Variants in RFC3 observed in about 807,000 individuals in gnomAD.
The protein encoded by RFC3 is A1 38 kDa subunit.
Under a neutral mutation model 45.1 loss-of-function variants are expected in RFC3, and 41 were observed. That is an observed-to-expected ratio of 0.91 (90% confidence interval 0.71 to 1.18). RFC3 has a LOEUF of 1.18. Among genes scored for constraint, RFC3 ranks in the 50% most tolerant of loss-of-function variants. The pLI is 0.00. For missense variants in RFC3, 423 were observed against 428.1 expected (o/e 0.99, Z 0.10); for synonymous variants, 149 against 144.0 (o/e 1.03, Z -0.25).
intron 8 of RFC3, among the ~76,000 whole-genome samples, chr13:33,855,345 G>A (rs946774353): frequency 7.9e-5 from 12 of 152,144 alleles, no homozygotes; most frequent in Non-Finnish European, 8.8e-5. Flanking sequence ...AAGAAATGGT[G>A]TCTATGTGCC....
chr13:33,918,107 C>G (rs2082744977), intron 8 of RFC3, among the ~76,000 whole-genome samples: 4 of 152,132 alleles, frequency 2.6e-5, no homozygotes, highest in Admixed American at 2.6e-4. Context: ...GGTCATTGAG[C>G]AGGAGAGTGA....
At chr13:33,929,928 A>G (rs533510461) in intron 8 of RFC3, among the ~76,000 whole-genome samples, 26 of 152,256 alleles carry the variant, frequency 1.7e-4, no homozygotes, top group African/African-American at 6.3e-4. Flanking sequence ...AAGATTAAGC[A>G]TTTTAAAGTT....
chr13:33,867,539 T>G (rs2082381425), intron 8 of RFC3, among the ~76,000 whole-genome samples: 1 of 152,202 alleles, frequency 6.6e-6, no homozygotes, highest in Non-Finnish European at 1.5e-5. Context: ...ATTCTAACTG[T>G]CAGGAGGAAA....
intron 8 of RFC3, among the ~76,000 whole-genome samples, chr13:33,955,864 A>G (rs1443368830): frequency 1.5e-4 from 23 of 152,140 alleles, no homozygotes; most frequent in Admixed American, 1.5e-3. Flanking sequence ...CGTGCAGGAG[A>G]ATGCAGCATG....
chr13:33,899,204 C>CAAAAAAAAAAAAA lies in RFC3; in HGVS notation c.879+64000_879+64012dup, dbSNP rs59221382. 4.2e-3 allele frequency among the ~76,000 whole-genome samples: 217 copies of CAAAAAAAAAAAAA among 51,976 alleles called. 7 individuals are homozygous for CAAAAAAAAAAAAA. The highest frequency in any genetic ancestry group is 6.4e-3 in the East Asian group (10 of 1,570). The allele number at this position is 51,976 out of a possible 152,430, so 34.1% of individuals were successfully genotyped here. On this transcript the variant is annotated intron_variant, in intron 8 of 8. Coordinates refer to the RFC3 transcript ENST00000434425. ...AAAACCAGACGAAGACACAATAAGA[C>CAAAAAAAAAAAAA]AAAAAAAAAAAAAAAAAAAAAAAAA...
At position 33,857,229 on chromosome 13, in the gene RFC3, G is replaced by A. The variant is rs74520678; in HGVS notation, c.879+22012G>A. Among the ~76,000 whole-genome samples the A allele has an allele frequency of 1.6e-4, 24 of 152,262 alleles. No individual in the cohort carries two copies. In the East Asian group the frequency reaches 3.3e-3, roughly 21 times the overall value. On this transcript the variant is annotated intron_variant, in intron 8 of 8. Transcript: ENST00000434425. ...GTTATTGGAATATCTTCAAGATAGC[G>A]TCCAATCTCATTGCGGAATCTCTGA...
rs183881131 is a variant in RFC3, at chr13:33,961,448, A to G, written c.880-4639A>G. On this transcript the variant is annotated intron_variant, in intron 8 of 8. Transcript: ENST00000434425. The stretch of plus-strand genomic sequence containing the variant: ...TGAACATTTCCTGAGGGCAGGAATC[A>G]TGGCCTCTTCTTTTATCTATTCCTA... 3.5e-3 allele frequency among the ~76,000 whole-genome samples: 526 copies of G among 152,346 alleles called. 2 individuals carry two copies. Among genetic ancestry groups the G allele is most frequent in the Middle Eastern group, 6.8e-3 (2 of 294 alleles).
chr13:33,896,902 A>G (rs2082603427), intron 8 of RFC3, among the ~76,000 whole-genome samples: 1 of 151,992 alleles, frequency 6.6e-6, no homozygotes, highest in African/African-American at 2.4e-5. Context: ...GCTATCCTTC[A>G]AATATGCAAG....
At chr13:33,938,398 A>G (rs2082902067) in intron 8 of RFC3, among the ~76,000 whole-genome samples, 1 of 152,142 alleles carries the variant, frequency 6.6e-6, no homozygotes, top group African/African-American at 2.4e-5. Flanking sequence ...TATAAAAATC[A>G]TAATAATCAA....
downstream of RFC3, among the ~76,000 whole-genome samples, chr13:33,970,096 C>CCCTCCAA (rs2083103928): frequency 6.6e-6 from 1 of 152,198 alleles, no homozygotes; most frequent in East Asian, 1.9e-4. Context: ...CCACCCTCCA[C>CCCTCCAA]CCTCCAACAG....
intron 8 of RFC3, among the ~76,000 whole-genome samples, chr13:33,859,193 A>G (rs1254215871): frequency 6.6e-6 from 1 of 152,214 alleles, no homozygotes; most frequent in Non-Finnish European, 1.5e-5. Context: ...TCAAAACTCC[A>G]TTATAAAACT....
At chr13:33,961,473 A>T (rs2083056776) in intron 8 of RFC3, among the ~76,000 whole-genome samples, 1 of 152,176 alleles carries the variant, frequency 6.6e-6, no homozygotes, top group Non-Finnish European at 1.5e-5. Context: ...ATCTATTCCT[A>T]GAAACAGAAA....
chr13:33,938,208 A>AAAAAAAAAAAT (rs2082900461), intron 8 of RFC3, among the ~76,000 whole-genome samples: 2 of 147,070 alleles, frequency 1.4e-5, no homozygotes, highest in African/African-American at 5.0e-5. Flanking sequence ...AAAAAAAAAA[A>AAAAAAAAAAAT]GTAAGAGTTG....
chr13:33,950,723 A>T (rs115654117), intron 8 of RFC3, among the ~76,000 whole-genome samples: 3,560 of 152,132 alleles, frequency 0.023, 123 homozygotes, highest in African/African-American at 0.078. Flanking sequence ...CAAGATCTGG[A>T]CTTTTTGCTT....
At chr13:33,827,496 C>T (rs1434846416) in intron 4 of RFC3, among the ~76,000 whole-genome samples, 1 of 151,928 alleles carries the variant, frequency 6.6e-6, no homozygotes, top group Admixed American at 6.6e-5. Context: ...TGTTGAACAT[C>T]GGTTATTATA....
At chr13:33,828,461 G>A (rs1220916941) in intron 4 of RFC3, among the ~76,000 whole-genome samples, 1 of 152,190 alleles carries the variant, frequency 6.6e-6, no homozygotes, top group Non-Finnish European at 1.5e-5. Context: ...CTGCTGTTCT[G>A]TCAAACCTTA....
Position 33,836,212 on chromosome 13 carries a change from T to G in RFC3, c.988T>G (p.Tyr330Asp). Residue 330 changes from tyrosine to aspartate, a missense_variant, in exon 9 of 9, where the codon TAT becomes GAT. Coordinates refer to ENST00000380071, the MANE Select transcript of RFC3 (RefSeq NM_002915.4). Reference protein sequence around the residue: ...HRLQLGSKAIYHLEAFVAKFM... With the variant: ...HRLQLGSKAIDHLEAFVAKFM... ...TCTACAGCTGGGTAGCAAAGCCATTTATCACTTGGAAGCGTTTGTGGCCAA... is the reference window on the plus strand; with the variant it reads ...TCTACAGCTGGGTAGCAAAGCCATTGATCACTTGGAAGCGTTTGTGGCCAA... The G allele has an allele frequency of 3.1e-6, 5 of 1,613,600 alleles. No homozygotes were observed. Among genetic ancestry groups the G allele is most frequent in the Non-Finnish European group, 4.2e-6 (5 of 1,179,594 alleles).
chr13:33,914,395 T>C (rs10459322), intron 8 of RFC3, among the ~76,000 whole-genome samples: 10,851 of 152,200 alleles, frequency 0.071, 632 homozygotes, highest in African/African-American at 0.16. Context: ...TCTTCCATAC[T>C]CTACCTTCTT....
chr13:33,895,355 A>T (rs1293414460), intron 8 of RFC3, among the ~76,000 whole-genome samples: 3 of 152,240 alleles, frequency 2.0e-5, no homozygotes, highest in East Asian at 1.9e-4. Flanking sequence ...TCTCAAAAGA[A>T]GATGTACAAA....
Sources: allele counts gnomAD v4.1 joint callset (sites outside exome capture counted in the v4.1 genomes callset), GRCh38; gene constraint gnomAD v4.1.1; transcripts MANE v1.5; gene names NCBI Gene and HGNC (gene_info 2026-07-23, HGNC 2026-07-21).